The following HIF1A variants were observed in gnomAD, a reference collection of about 807,000 sequenced individuals.
The protein encoded by HIF1A is hypoxia inducible factor 1 subunit alpha, also known as hypoxia-inducible factor 1-alpha.
A neutral mutation model predicts 92.7 loss-of-function variants in HIF1A; 24 were observed. The ratio of observed to expected loss-of-function variants is 0.26; its 90% CI spans 0.19 to 0.36. HIF1A has a LOEUF of 0.36. HIF1A is among the 10% of genes least tolerant of loss of function. The pLI is 1.00. For synonymous variants in HIF1A, 319 were observed against 338.7 expected (o/e 0.94, Z 0.64); for missense variants, 799 against 998.5 (o/e 0.80, Z 2.69).
At chr14:61,699,198 T>C (rs2044148940) in intron 1 of HIF1A, among the ~76,000 whole-genome samples, 2 of 152,190 alleles carry the variant, frequency 1.3e-5, no homozygotes, top group South Asian at 4.1e-4. Context: ...TCCACACGTG[T>C]GTATTTACTG....
chr14:61,745,300 A>G (rs1311785949), intron 13 of HIF1A, among the ~76,000 whole-genome samples: 1 of 152,098 alleles, frequency 6.6e-6, no homozygotes, highest in African/African-American at 2.4e-5. Flanking sequence ...GTGCACAACT[A>G]TAATCCCAGC....
intron 8 of HIF1A, 52 bp downstream of exon 8, chr14:61,734,337 T>C (rs1384335174): frequency 8.0e-7 from 1 of 1,255,776 alleles, no homozygotes; most frequent in African/African-American, 1.5e-5. Flanking sequence ...GTAATTCTTT[T>C]TGGATACTCT....
chr14:61,708,937 G>A (rs1194951338), intron 1 of HIF1A, among the ~76,000 whole-genome samples: 1 of 151,688 alleles, frequency 6.6e-6, no homozygotes. Context: ...TGCTCTTGTT[G>A]CCCAGGCTGG....
chr14:61,699,900 A>G (rs1307743204), intron 1 of HIF1A, among the ~76,000 whole-genome samples: 1 of 152,178 alleles, frequency 6.6e-6, no homozygotes, highest in African/African-American at 2.4e-5. Context: ...TTGGAATTTT[A>G]AAAATAATTA....
At chr14:61,700,333 C>T (rs1466182958) in intron 1 of HIF1A, among the ~76,000 whole-genome samples, 4 of 152,104 alleles carry the variant, frequency 2.6e-5, no homozygotes, top group African/African-American at 7.2e-5. Context: ...CTCTGGCAAC[C>T]ACCATTTTAC....
intron 13 of HIF1A, among the ~76,000 whole-genome samples, chr14:61,745,174 C>G (rs149958576): frequency 6.6e-6 from 1 of 152,128 alleles, no homozygotes; most frequent in South Asian, 2.1e-4. Flanking sequence ...CCTGTAATCC[C>G]AGCACTTTGG....
chr14:61,733,645 C>T (rs2044602291), intron 7 of HIF1A, among the ~76,000 whole-genome samples: 1 of 152,122 alleles, frequency 6.6e-6, no homozygotes, highest in Non-Finnish European at 1.5e-5. Context: ...CCATCATTAG[C>T]ATTTATTTAG....
intron 1 of HIF1A, among the ~76,000 whole-genome samples, chr14:61,715,326 T>C (rs982895453): frequency 2.6e-5 from 4 of 152,232 alleles, no homozygotes; most frequent in African/African-American, 9.6e-5. Context: ...AAGAGCCTGG[T>C]TCTGAGTTTC....
intron 1 of HIF1A, among the ~76,000 whole-genome samples, chr14:61,698,634 T>C (rs1229640830): frequency 1.3e-5 from 2 of 152,246 alleles, no homozygotes; most frequent in Non-Finnish European, 2.9e-5. Flanking sequence ...TCATGCATCT[T>C]TTCTATCTCC....
Position 61,705,608 on chromosome 14 carries a change from A to G in HIF1A, c.35+9769A>G, listed in dbSNP as rs2044230142. Among the ~76,000 whole-genome samples, 4 of 152,152 alleles carry G rather than the reference A, an allele frequency of 2.6e-5. No individual in the cohort carries two copies. The South Asian group carries it at 8.3e-4, about 31-fold the overall frequency. On this transcript the variant is annotated intron_variant, in intron 1 of 14. Transcript: ENST00000337138. ...TTAATTTAAAAATTATATATTGAGC[A>G]TCTGATTTGTGGAAAGGCATAGGCC...
At chr14:61,746,353 A>G (rs377086242) in intron 14 of HIF1A, among the ~76,000 whole-genome samples, 1 of 150,150 alleles carries the variant, frequency 6.7e-6, no homozygotes, top group East Asian at 1.9e-4. Flanking sequence ...TGTGCTGTCA[A>G]TATTGATAGA....
At chr14:61,727,096 T>C (rs982394861) in intron 5 of HIF1A, among the ~76,000 whole-genome samples, 5 of 152,248 alleles carry the variant, frequency 3.3e-5, no homozygotes, top group African/African-American at 1.2e-4. Flanking sequence ...TGAATCCTGA[T>C]AGGGCTTAAT....
intron 1 of HIF1A, among the ~76,000 whole-genome samples, chr14:61,718,954 A>T (rs112519515): frequency 1.3e-5 from 2 of 152,208 alleles, no homozygotes; most frequent in Non-Finnish European, 2.9e-5. Context: ...AGTCCTATAA[A>T]CACACAAACT....
At chr14:61,716,301 T>C (rs2044363109) in intron 1 of HIF1A, among the ~76,000 whole-genome samples, 1 of 152,184 alleles carries the variant, frequency 6.6e-6, no homozygotes, top group Non-Finnish European at 1.5e-5. Flanking sequence ...TAGCACATTT[T>C]TTATATCATG....
intron 14 of HIF1A, 111 bp from the exon 15 acceptor site, chr14:61,746,823 A>G: frequency 2.5e-6 from 2 of 797,896 alleles, no homozygotes; most frequent in Non-Finnish European, 3.9e-6. Context: ...TAAACTAAAA[A>G]CCCTTCCAGA....
chr14:61,726,183 A>G (rs537746322), intron 4 of HIF1A, among the ~76,000 whole-genome samples: 1 of 152,222 alleles, frequency 6.6e-6, no homozygotes, highest in Admixed American at 6.5e-5. Flanking sequence ...GTAACAAAGT[A>G]GAAGTAATTT....
intron 8 of HIF1A, among the ~76,000 whole-genome samples, 156 bp from the exon 9 acceptor site, chr14:61,736,733 G>A (rs568984880): frequency 4.9e-4 from 74 of 152,250 alleles, no homozygotes; most frequent in African/African-American, 1.7e-3. Flanking sequence ...AACCCTAAAT[G>A]TGACACAGTA....
intron 4 of HIF1A, among the ~76,000 whole-genome samples, chr14:61,723,021 A>AT (rs555984227): frequency 6.6e-6 from 1 of 152,374 alleles, no homozygotes; most frequent in South Asian, 2.1e-4. Context: ...TAAGCAGTGT[A>AT]TACTGATCAT....
intron 4 of HIF1A, among the ~76,000 whole-genome samples, chr14:61,722,391 C>CT (rs142453455): frequency 2.0e-5 from 3 of 151,864 alleles, no homozygotes; most frequent in Non-Finnish European, 4.4e-5. Flanking sequence ...CCCAGGCTAC[C>CT]TTTTTTTTCC....
Sources: allele counts gnomAD v4.1 joint callset (sites outside exome capture counted in the v4.1 genomes callset), GRCh38; gene constraint gnomAD v4.1.1; transcripts MANE v1.5; gene names NCBI Gene and HGNC (gene_info 2026-07-23, HGNC 2026-07-21).